The following SCFD2 variants were observed in gnomAD, a reference collection of about 807,000 sequenced individuals.
SCFD2 encodes the protein sec1 family domain-containing protein 2.
SCFD2 carries 54 observed loss-of-function variants against 58.9 expected under a neutral mutation model. The ratio of observed to expected loss-of-function variants is 0.92; its 90% confidence interval spans 0.74 to 1.15. The LOEUF (loss-of-function observed/expected upper bound fraction) is 1.15, where lower values mean the gene tolerates loss of function less well. Ranked by LOEUF, SCFD2 falls within the 50% of genes most tolerant of loss-of-function variation. SCFD2 has a pLI of 0.00. For missense variants in SCFD2, 805 were observed against 836.6 expected, an observed-to-expected ratio of 0.96 and a Z score of 0.47; for synonymous variants, 321 against 335.9, an observed-to-expected ratio of 0.96 and a Z score of 0.49.
At chr4:53,184,872 G>C (rs945783808) in intron 4 of SCFD2, among the ~76,000 whole-genome samples, 1 of 152,088 alleles carries the variant, frequency 6.6e-6, no homozygotes, top group African/African-American at 2.4e-5. Context: ...CTTTCTACCA[G>C]CTACAAGAGA....
At chr4:53,027,900 TA>T (rs941455463) in intron 5 of SCFD2, among the ~76,000 whole-genome samples, 1 of 152,038 alleles carries the variant, frequency 6.6e-6, no homozygotes, top group African/African-American at 2.4e-5. Flanking sequence ...ATTAAGATTT[TA>T]TTTTTTTTTT....
chr4:52,916,648 A>G (rs1719615986), intron 6 of SCFD2, among the ~76,000 whole-genome samples: 1 of 152,236 alleles, frequency 6.6e-6, no homozygotes, highest in African/African-American at 2.4e-5. Context: ...TCCAGTCAAC[A>G]GAAGCGAGCA....
At chr4:53,339,356 A>ATATTACATATTATATATATGTAATATG (rs1733788520) in intron 2 of SCFD2, among the ~76,000 whole-genome samples, 3 of 150,406 alleles carry the variant, frequency 2.0e-5, no homozygotes, top group Admixed American at 1.3e-4. Flanking sequence ...ATGTAAATGT[A>ATATTACATATTATATATATGTAATATG]TATTACATAT....
At chr4:52,974,400 T>G (rs963901154) in intron 5 of SCFD2, among the ~76,000 whole-genome samples, 17 of 152,180 alleles carry the variant, frequency 1.1e-4, no homozygotes, top group Non-Finnish European at 1.2e-4. Flanking sequence ...AGCCAAATCA[T>G]GAGTGAACTC....
At chr4:53,044,115 C>T (rs1722967038) in intron 5 of SCFD2, among the ~76,000 whole-genome samples, 1 of 152,130 alleles carries the variant, frequency 6.6e-6, no homozygotes, top group African/African-American at 2.4e-5. Context: ...TCAGTACCAG[C>T]CAATAACAGA....
chr4:53,341,304 A>G (rs1733864164), intron 2 of SCFD2, among the ~76,000 whole-genome samples: 1 of 152,222 alleles, frequency 6.6e-6, no homozygotes, highest in Admixed American at 6.5e-5. Context: ...GAACTATATG[A>G]CACATGCACA....
rs1267788090 is a variant in SCFD2 at position 52,873,263 on chromosome 4, T to C, written c.*706A>G. 2 of 152,228 alleles carry C rather than the reference T, an allele frequency of 1.3e-5. No individual in the cohort carries two copies. The highest frequency in any genetic ancestry group is 2.9e-5 in the Non-Finnish European group (2 of 68,036). 9.4% of individuals were successfully genotyped at this position (152,228 alleles called of 1,614,324 possible). ...AGGTATCTTGTACTGGAGTCTTTCT[T>C]TGGAGGGGAGAAAACCTTTTATATA... On this transcript the variant is annotated 3_prime_UTR_variant, in exon 9 of 9. Coordinates refer to ENST00000401642, the MANE Select transcript of SCFD2 (RefSeq NM_152540.4).
At chr4:53,252,849 C>T (rs886514158) in intron 4 of SCFD2, among the ~76,000 whole-genome samples, 26 of 151,310 alleles carry the variant, frequency 1.7e-4, no homozygotes, top group Non-Finnish European at 3.4e-4. Flanking sequence ...ATGTCTAAAA[C>T]ACCAAAAGCA....
intron 5 of SCFD2, among the ~76,000 whole-genome samples, chr4:52,922,626 G>A (rs1719767848): frequency 6.6e-6 from 1 of 152,062 alleles, no homozygotes; most frequent in Admixed American, 6.5e-5. Flanking sequence ...TGGACATTTG[G>A]GTTGTTTTTG....
intron 4 of SCFD2, among the ~76,000 whole-genome samples, chr4:53,193,345 T>C (rs1166630670): frequency 6.6e-6 from 1 of 152,222 alleles, no homozygotes; most frequent in African/African-American, 2.4e-5. Flanking sequence ...GTTGCTGTGA[T>C]TATCTGTTTC....
intron 2 of SCFD2, among the ~76,000 whole-genome samples, chr4:53,340,295 G>A (rs144449907): frequency 1.1e-4 from 17 of 152,296 alleles, no homozygotes; most frequent in East Asian, 3.9e-4. Flanking sequence ...TCTAGCAAAC[G>A]GCACACCAGG....
intron 4 of SCFD2, among the ~76,000 whole-genome samples, chr4:53,222,457 A>T (rs2148996282): frequency 6.6e-6 from 1 of 152,366 alleles, no homozygotes; most frequent in Admixed American, 6.5e-5. Flanking sequence ...TGATAAATTT[A>T]GAAAACATTA....
At chr4:53,282,744 T>C (rs1170087608) in intron 3 of SCFD2, among the ~76,000 whole-genome samples, 1 of 152,158 alleles carries the variant, frequency 6.6e-6, no homozygotes, top group Non-Finnish European at 1.5e-5. Context: ...ACAGAAATGA[T>C]AATATTCAAG....
chr4:53,082,300 TC>T lies in SCFD2; in HGVS notation c.1561+63032del, dbSNP rs943873547. ...CCAGTCTAGCTCCACTATTTTATAT[TC>T]CTATCAGCAATGTATGAAGGTTACA... On this transcript the variant is annotated intron_variant, in intron 5 of 8. Transcript: ENST00000401642. Among the ~76,000 whole-genome samples, 4 of 152,174 alleles carry T rather than the reference TC, an allele frequency of 2.6e-5. No individual in the cohort carries two copies. The South Asian group carries it at 6.2e-4, about 24-fold the overall frequency.
At chr4:53,283,231 T>C (rs1430091419) in intron 3 of SCFD2, among the ~76,000 whole-genome samples, 1 of 152,248 alleles carries the variant, frequency 6.6e-6, no homozygotes, top group African/African-American at 2.4e-5. Context: ...AGTTTTAAAC[T>C]TAATATAAAT....
intron 5 of SCFD2, among the ~76,000 whole-genome samples, chr4:53,142,072 A>T (rs1439343388): frequency 6.6e-6 from 1 of 152,218 alleles, no homozygotes; most frequent in African/African-American, 2.4e-5. Context: ...AGTAAAATTA[A>T]GTCCACAAGT....
At chr4:53,058,614 C>T (rs1723417961) in intron 5 of SCFD2, among the ~76,000 whole-genome samples, 1 of 152,036 alleles carries the variant, frequency 6.6e-6, no homozygotes, top group Admixed American at 6.6e-5. Context: ...ATAGGAAATT[C>T]CAATTTTCAG....
intron 5 of SCFD2, among the ~76,000 whole-genome samples, chr4:52,925,527 G>T (rs1378989494): frequency 6.6e-6 from 1 of 151,432 alleles, no homozygotes; most frequent in Non-Finnish European, 1.5e-5. Context: ...CTTCTTTTTT[G>T]GCCATACAAG....
At chr4:53,139,606 G>A (rs967570999) in intron 5 of SCFD2, among the ~76,000 whole-genome samples, 38 of 147,726 alleles carry the variant, frequency 2.6e-4, no homozygotes, top group African/African-American at 8.9e-4. Context: ...GCCCCCGCCC[G>A]GCTGCTGCCC....
Sources: allele counts gnomAD v4.1 joint callset (sites outside exome capture counted in the v4.1 genomes callset), GRCh38; gene constraint gnomAD v4.1.1; transcripts MANE v1.5; gene names NCBI Gene and HGNC (gene_info 2026-07-23, HGNC 2026-07-21).